ICA1: variants seen among roughly 807,000 people sequenced by gnomAD.
ICA1 encodes 69 kDa islet cell autoantigen.
Under a neutral mutation model 71.0 loss-of-function variants are expected in ICA1, and 40 were observed. The observed-to-expected ratio is 0.56, with a 90% CI of 0.44 to 0.73. ICA1 has a LOEUF of 0.73. ICA1 is among the 30% of genes least tolerant of loss of function. ICA1 has a pLI of 0.00. For synonymous variants in ICA1, 207 were observed against 209.5 expected, an observed-to-expected ratio of 0.99 and a Z score of 0.10; for missense variants, 578 against 576.5, an observed-to-expected ratio of 1.00 and a Z score of -0.03.
rs370467193 is a variant in ICA1, at chr7:8,254,566, T to C, written c.-80+7528A>G. Among the ~76,000 whole-genome samples, 8 of 149,814 alleles carry C rather than the reference T, an allele frequency of 5.3e-5. No homozygotes were observed. The South Asian group carries it at 1.7e-3, about 32-fold the overall frequency. ...CCTTTTTCAGGTTCTCTCTACTTTC[T>C]CAGGAAATAAACAGCAGCAAAGCCC... On this transcript the variant is annotated intron_variant, in intron 1 of 13. Coordinates refer to ENST00000402384, the MANE Select transcript of ICA1 (RefSeq NM_001136020.3).
chr7:8,221,730 G>A (rs150303443), intron 4 of ICA1, among the ~76,000 whole-genome samples: 1 of 152,320 alleles, frequency 6.6e-6, no homozygotes, highest in African/African-American at 2.4e-5. Context: ...GGTTTGTCAA[G>A]TATGACTGTG....
chr7:8,151,765 A>T (rs1338231987), intron 8 of ICA1, among the ~76,000 whole-genome samples: 1 of 152,206 alleles, frequency 6.6e-6, no homozygotes, highest in Non-Finnish European at 1.5e-5. Context: ...AATTTGAGAA[A>T]AACAAAATTT....
intron 8 of ICA1, among the ~76,000 whole-genome samples, chr7:8,145,854 C>T (rs950018694): frequency 6.6e-6 from 1 of 151,032 alleles, no homozygotes; most frequent in East Asian, 1.9e-4. Context: ...GCTTATTAGA[C>T]TACAGAATAT....
At chr7:8,249,299 G>A (rs944357513) in intron 1 of ICA1, among the ~76,000 whole-genome samples, 3 of 152,212 alleles carry the variant, frequency 2.0e-5, no homozygotes, top group Non-Finnish European at 4.4e-5. Flanking sequence ...GAGGGAAGTG[G>A]TATTATTCTA....
rs79272935 is a variant in ICA1 at position 8,159,981 on chromosome 7, T to A, written c.580-1329A>T. ...TACTGAGAGTTGGAAGTAACACTGA[T>A]GTATTAATAATTCTTTCATCATAGG... On this transcript the variant is annotated intron_variant, in intron 6 of 13. Coordinates refer to ENST00000402384, the MANE Select transcript of ICA1 (RefSeq NM_001136020.3). Among the ~76,000 whole-genome samples the A allele has an allele frequency of 6.3e-3, 962 of 152,200 alleles. 4 individuals are homozygous for A. The highest frequency in any genetic ancestry group is 0.022 in the African/African-American group (910 of 41,528).
chr7:8,161,864 T>A (rs1285880732), intron 6 of ICA1, among the ~76,000 whole-genome samples: 1 of 152,222 alleles, frequency 6.6e-6, no homozygotes, highest in Admixed American at 6.5e-5. Context: ...TTTTAAGCCA[T>A]TGAGTGTTAT....
intron 4 of ICA1, among the ~76,000 whole-genome samples, chr7:8,225,962 A>T (rs1469344431): frequency 1.3e-5 from 2 of 152,170 alleles, no homozygotes; most frequent in Non-Finnish European, 2.9e-5. Flanking sequence ...TTTTGTGTTT[A>T]GCCTCAGTAT....
chr7:8,231,485 C>T (rs753687478), intron 3 of ICA1, among the ~76,000 whole-genome samples: 14 of 152,040 alleles, frequency 9.2e-5, no homozygotes, highest in Non-Finnish European at 1.3e-4. Flanking sequence ...ACTAATAAAC[C>T]TTAGCCATCA....
rs1783781433 is a variant in ICA1, at chr7:8,113,413, G to C, written c.*510C>G. 6.5e-6 allele frequency: 1 copy of C among 154,134 alleles called. No homozygotes were observed. The highest frequency in any genetic ancestry group is 2.4e-5 in the African/African-American group (1 of 41,458). 9.5% of individuals were successfully genotyped at this position (154,134 alleles called of 1,614,324 possible). On this transcript the variant is annotated 3_prime_UTR_variant, in exon 14 of 14. Coordinates refer to ENST00000402384, the MANE Select transcript of ICA1 (RefSeq NM_001136020.3). This position sits in a 1 kb window ranked among gnomAD's most constrained non-coding sequence, Gnocchi z 4.2. ...CCACCAGGCACCTGCTGTGGGGACA[G>C]TGTCTTTGGTTGGCCAGAGCTTCAT...
chr7:8,236,392 G>T (rs1231348854), intron 1 of ICA1, among the ~76,000 whole-genome samples: 8 of 152,120 alleles, frequency 5.3e-5, no homozygotes, highest in African/African-American at 1.4e-4. Context: ...AGCAGACCAC[G>T]GCAGGAGATG....
chr7:8,169,923 T>TGTGTGTGTG (rs1272253020), intron 6 of ICA1, among the ~76,000 whole-genome samples: 2 of 151,852 alleles, frequency 1.3e-5, no homozygotes, highest in African/African-American at 4.8e-5. Flanking sequence ...TGTGTGTGTG[T>TGTGTGTGTG]GTGTTTTAAT....
chr7:8,239,713 C>T (rs1250977514), intron 1 of ICA1, among the ~76,000 whole-genome samples: 1 of 152,218 alleles, frequency 6.6e-6, no homozygotes, highest in African/African-American at 2.4e-5. Context: ...ACTTTTCCAA[C>T]AGTCTCAGCA....
chr7:8,115,114 T>C (rs1012018244), intron 13 of ICA1: 1 of 152,266 alleles, frequency 6.6e-6, no homozygotes, highest in African/African-American at 2.4e-5. Context: ...CCGATCACTT[T>C]ATACTTCGGA....
At chr7:8,229,793 C>A (rs1210993176) in intron 3 of ICA1, among the ~76,000 whole-genome samples, 1 of 152,194 alleles carries the variant, frequency 6.6e-6, no homozygotes, top group East Asian at 1.9e-4. Context: ...TAAATTGCAT[C>A]TTCCACCTGT....
At chr7:8,155,425 T>C (rs1446916636) in intron 8 of ICA1, among the ~76,000 whole-genome samples, 1 of 152,232 alleles carries the variant, frequency 6.6e-6, no homozygotes, top group East Asian at 1.9e-4. Flanking sequence ...TAAGGAGCCA[T>C]ATTTTCCTCA....
In ICA1 at chr7:8,173,850, G is replaced by C. The variant is rs565643304; in HGVS notation, c.580-15198C>G. On this transcript the variant is annotated intron_variant, in intron 6 of 13. Transcript: ENST00000402384. This position sits in a 1 kb window ranked among gnomAD's most constrained non-coding sequence, Gnocchi z 4.0. ...AACACCTATAGCTCTCGGTGCTGGA[G>C]ATAAGCAGAGAATAAAGCAAAGTCT... 5.3e-5 allele frequency among the ~76,000 whole-genome samples: 8 copies of C among 152,006 alleles called. No homozygotes were observed. Among genetic ancestry groups the C allele is most frequent in the Non-Finnish European group, 7.4e-5 (5 of 68,014 alleles).
intron 9 of ICA1, among the ~76,000 whole-genome samples, chr7:8,142,862 C>A (rs1311143761): frequency 1.3e-5 from 2 of 152,234 alleles, no homozygotes; most frequent in Non-Finnish European, 2.9e-5. Flanking sequence ...ATTCAGATCA[C>A]ATTCTACAGT....
chr7:8,243,873 C>A (rs1319188476), intron 1 of ICA1, among the ~76,000 whole-genome samples: 1 of 152,096 alleles, frequency 6.6e-6, no homozygotes, highest in African/African-American at 2.4e-5. Flanking sequence ...ATGTGAAGGA[C>A]CTCTTCAAGG....
intron 10 of ICA1, among the ~76,000 whole-genome samples, chr7:8,141,279 G>A (rs13239720): frequency 0.12 from 17,681 of 152,194 alleles, 1,265 homozygotes; most frequent in Non-Finnish European, 0.17. Context: ...AGGGATCAGG[G>A]GTTGCTTGGC....
Sources: gnomAD v4.1 joint callset for allele counts (sites outside exome capture counted in the v4.1 genomes callset) on GRCh38, gnomAD v4.1.1 for gene constraint, Gnocchi (gnomAD v3.1) non-coding constraint, MANE v1.5 for transcripts, NCBI Gene and HGNC (gene_info 2026-07-23, HGNC 2026-07-21) for gene names.